The following DCUN1D5 variants were observed in gnomAD, a reference collection of about 807,000 sequenced individuals.
The protein encoded by DCUN1D5 is DCN1-like protein 5.
A neutral mutation model predicts 38.3 loss-of-function variants in DCUN1D5; 10 were observed. The observed-to-expected ratio is 0.26, with a 90% CI of 0.16 to 0.44. The LOEUF (loss-of-function observed/expected upper bound fraction) is 0.44. Ranked by LOEUF, DCUN1D5 falls within the 20% of genes least tolerant of loss-of-function variation. The pLI is 1.00. For synonymous variants in DCUN1D5, 93 were observed against 90.9 expected, an observed-to-expected ratio of 1.02 and a Z score of -0.13; for missense variants, 148 against 275.3, an observed-to-expected ratio of 0.54 and a Z score of 3.27.
Position 103,085,643 on chromosome 11 carries a change from G to A in DCUN1D5, c.179-2317C>T, listed in dbSNP as rs561090272. On this transcript the variant is annotated intron_variant, in intron 2 of 7. Coordinates refer to ENST00000260247, the MANE Select transcript of DCUN1D5 (RefSeq NM_032299.4). ...ATAGTAACAGATCTAAGTCTAAAGCGAGGTCTGTAACTAATGTGCTTTCCC... is the reference window on the plus strand; with the variant it reads ...ATAGTAACAGATCTAAGTCTAAAGCAAGGTCTGTAACTAATGTGCTTTCCC... Among the ~76,000 whole-genome samples the A allele has an allele frequency of 5.9e-5, 9 of 152,232 alleles. No individual in the cohort carries two copies. The South Asian group carries it at 1.0e-3, about 18-fold the overall frequency.
chr11:103,064,377 G>A lies in DCUN1D5; in HGVS notation c.556C>T (p.Gln186Ter). Residue 186 changes from glutamine (Q) to a stop codon, truncating the protein, a stop_gained and splice_region_variant, in exon 7 of 8, where the codon CAA becomes TAA. Coordinates refer to ENST00000260247, the MANE Select transcript of DCUN1D5 (RefSeq NM_032299.4). LOFTEE classifies it high-confidence loss of function. The surrounding 1 kb of genome is among the most constrained non-coding windows in gnomAD (Gnocchi z 4.5). Reference sequence around the variant, plus strand: ...TTGTTCATAACACGATACTTTGATTGCTGCAAAAATGATTTAAATATTTGT... The same window carrying A: ...TTGTTCATAACACGATACTTTGATTACTGCAAAAATGATTTAAATATTTGT... ...LFSVFYQYLEQSKYRVMNKDQ... is the reference protein window; with the variant it reads ...LFSVFYQYLE 1.3e-6 allele frequency: 2 copies of A among 1,578,992 alleles called. No individual in the cohort carries two copies. The highest frequency in any genetic ancestry group is 2.3e-5 in the East Asian group (1 of 44,040).
At chr11:103,084,321 G>A (rs1402715903) in intron 2 of DCUN1D5, among the ~76,000 whole-genome samples, 1 of 152,184 alleles carries the variant, frequency 6.6e-6, no homozygotes, top group African/African-American at 2.4e-5. Context: ...GACCAAGGCT[G>A]CTCAGGTAAA....
rs1473437052 is a variant in DCUN1D5 at position 103,071,537 on chromosome 11, T to G, written c.342-4970A>C. On this transcript the variant is annotated intron_variant, in intron 4 of 7. Coordinates refer to ENST00000260247, the MANE Select transcript of DCUN1D5 (RefSeq NM_032299.4). The surrounding 1 kb of genome is among the most constrained non-coding windows in gnomAD (Gnocchi z 4.1). ...ATCTATATGATCTATAATCTATATA[T>G]AGATATTTTATATCTATTGATTTAT... Among the ~76,000 whole-genome samples the G allele has an allele frequency of 6.7e-6, 1 of 149,706 alleles. No individual in the cohort carries two copies. Among genetic ancestry groups the G allele is most frequent in the South Asian group, 2.1e-4 (1 of 4,814 alleles).
In DCUN1D5 at chr11:103,058,836, G is replaced by A. The variant is rs1438893245; in HGVS notation, c.*3523C>T. ...TCAAAAAGTGGTATTTCCTCAAGAGGGAAGGATTCCTCCTTAGAGGTAAGA... is the reference window on the plus strand; with the variant it reads ...TCAAAAAGTGGTATTTCCTCAAGAGAGAAGGATTCCTCCTTAGAGGTAAGA... On this transcript the variant is annotated 3_prime_UTR_variant, in exon 8 of 8. Transcript: ENST00000260247. Among the ~76,000 whole-genome samples, 1 of 151,898 alleles carries A rather than the reference G, an allele frequency of 6.6e-6. No homozygotes were observed. The highest frequency in any genetic ancestry group is 2.4e-5 in the African/African-American group (1 of 41,310).
rs1348428555 is a variant in DCUN1D5 at position 103,058,895 on chromosome 11, T to G, written c.*3464A>C. On this transcript the variant is annotated 3_prime_UTR_variant, in exon 8 of 8. Coordinates refer to ENST00000260247, the MANE Select transcript of DCUN1D5 (RefSeq NM_032299.4). ...TTAGGAGTAAGACTTTTGGGTTTTT[T>G]TGGGGGGGGTTTTAATTTTATTTTT... Among the ~76,000 whole-genome samples the G allele has an allele frequency of 1.3e-5, 2 of 150,668 alleles. No individual in the cohort carries two copies. Among genetic ancestry groups the G allele is most frequent in the South Asian group, 2.1e-4 (1 of 4,664 alleles).
chr11:103,072,043 GA>G (rs575068188), intron 4 of DCUN1D5, among the ~76,000 whole-genome samples: 125 of 143,394 alleles, frequency 8.7e-4, no homozygotes, highest in Middle Eastern at 3.6e-3. Context: ...ATAAAACTCA[GA>G]AAAAAAAAAA....
Position 103,066,022 on chromosome 11 carries a change from T to C in DCUN1D5, c.555+247A>G, listed in dbSNP as rs1230754583. Among the ~76,000 whole-genome samples the C allele has an allele frequency of 6.6e-6, 1 of 151,856 alleles. No homozygotes were observed. Among genetic ancestry groups the C allele is most frequent in the Non-Finnish European group, 1.5e-5 (1 of 67,940 alleles). The stretch of plus-strand genomic sequence containing the variant: ...TGCAAGACAAATGTCTGTGATACAA[T>C]GTATTTCTTGGAGGTTTCTTTTATT... On this transcript the variant is annotated intron_variant, in intron 6 of 7. Coordinates refer to ENST00000260247, the MANE Select transcript of DCUN1D5 (RefSeq NM_032299.4). This position sits in a 1 kb window ranked among gnomAD's most constrained non-coding sequence, Gnocchi z 4.7.
chr11:103,090,020 T>C (rs1451838572), intron 1 of DCUN1D5, among the ~76,000 whole-genome samples: 3 of 152,148 alleles, frequency 2.0e-5, no homozygotes, highest in Non-Finnish European at 4.4e-5. Context: ...TAGAATTTAA[T>C]GGCCTTCAGA....
chr11:103,074,499 C>T (rs373446797), intron 4 of DCUN1D5, among the ~76,000 whole-genome samples: 2 of 152,122 alleles, frequency 1.3e-5, no homozygotes, highest in Non-Finnish European at 2.9e-5. Context: ...TCCACCTCCC[C>T]GGTTCAAGCG....
chr11:103,066,343 T>G lies in DCUN1D5; in HGVS notation c.481A>C (p.Thr161Pro). Residue 161 changes from threonine to proline, a missense_variant, in exon 6 of 8, where the codon ACT becomes CCT. By Grantham distance (38) the Thr-to-Pro change is conservative. Transcript: ENST00000260247. This position sits in a 1 kb window ranked among gnomAD's most constrained non-coding sequence, Gnocchi z 4.7. ...DKDQRSLDID[T>P]AKSMLALLLG... ...AGAAGAGCTAACATAGATTTAGCAG[T>G]ATCAATATCAAGGCTTCTCTGATCT... 6.2e-7 allele frequency: 1 copy of G among 1,611,734 alleles called. No homozygotes were observed. The highest frequency in any genetic ancestry group is 8.5e-7 in the Non-Finnish European group (1 of 1,179,222).
At position 103,058,000 on chromosome 11, in the gene DCUN1D5, A is replaced by C. The variant is rs1299290068; in HGVS notation, c.*4359T>G. On this transcript the variant is annotated 3_prime_UTR_variant, in exon 8 of 8. Coordinates refer to ENST00000260247, the MANE Select transcript of DCUN1D5 (RefSeq NM_032299.4). This position sits in a 1 kb window ranked among gnomAD's most constrained non-coding sequence, Gnocchi z 4.8. ...GGGGAAAGCTAAGACATTTTTAATA[A>C]AACGTTTGCTATTAACTCCCATTTA... Among the ~76,000 whole-genome samples the C allele has an allele frequency of 6.6e-6, 1 of 152,210 alleles. No individual in the cohort carries two copies. Among genetic ancestry groups the C allele is most frequent in the African/African-American group, 2.4e-5 (1 of 41,452 alleles).
chr11:103,062,485 A>C lies in DCUN1D5; in HGVS notation c.659-71T>G. 1.5e-6 allele frequency: 2 copies of C among 1,336,282 alleles called. No homozygotes were observed. Among genetic ancestry groups the C allele is most frequent in the Non-Finnish European group, 2.1e-6 (2 of 939,254 alleles). The allele number at this position is 1,336,282 out of a possible 1,614,324, so 82.8% of individuals were successfully genotyped here. Reference sequence around the variant, plus strand: ...TCTCCAATTATAAAACAAACTCCCCACGAGCTCTGCAATGACAGAGGAATG... The same window carrying C: ...TCTCCAATTATAAAACAAACTCCCCCCGAGCTCTGCAATGACAGAGGAATG... On this transcript the variant is annotated intron_variant, in intron 7 of 7. Transcript: ENST00000260247. This position sits in a 1 kb window ranked among gnomAD's most constrained non-coding sequence, Gnocchi z 4.6.
rs1053262914 is a variant in DCUN1D5 at position 103,091,317 on chromosome 11, T to G, written c.86+470A>C. 1.3e-5 allele frequency among the ~76,000 whole-genome samples: 2 copies of G among 152,120 alleles called. No individual in the cohort carries two copies. The highest frequency in any genetic ancestry group is 2.9e-5 in the Non-Finnish European group (2 of 68,014). The stretch of plus-strand genomic sequence containing the variant: ...GCCAATTATAGCATACAAGTTTTCC[T>G]TTCTACCATTCCCAAGACAGTTGTC... On this transcript the variant is annotated intron_variant, in intron 1 of 7. Coordinates refer to ENST00000260247, the MANE Select transcript of DCUN1D5 (RefSeq NM_032299.4). The surrounding 1 kb of genome is among the most constrained non-coding windows in gnomAD (Gnocchi z 4.3).
Position 103,052,507 on chromosome 11 carries a change from T to C in DCUN1D5, c.*9852A>G, listed in dbSNP as rs1281103923. 6.6e-6 allele frequency: 1 copy of C among 152,154 alleles called. No individual in the cohort carries two copies. Among genetic ancestry groups the C allele is most frequent in the Admixed American group, 6.5e-5 (1 of 15,268 alleles). 9.4% of individuals were successfully genotyped at this position (152,154 alleles called of 1,614,324 possible). A position where few individuals can be genotyped will look rare whatever the true frequency, so the allele number is the denominator to read the frequency against. Reference sequence around the variant, plus strand: ...TGTTTCCTTTTTAAGGATCATAATCTTCAAAGGTAGAAACTAACAACTACA... The same window carrying C: ...TGTTTCCTTTTTAAGGATCATAATCCTCAAAGGTAGAAACTAACAACTACA... On this transcript the variant is annotated 3_prime_UTR_variant, in exon 8 of 8. Transcript: ENST00000260247.
At position 103,077,124 on chromosome 11, in the gene DCUN1D5, C is replaced by T. The variant is rs11225540; in HGVS notation, c.341+5624G>A. ...CTGAAGCAGGGGAATGGCGTGAACC[C>T]GGGAGGCGGAGCTTGCAGTGAGCCG... On this transcript the variant is annotated intron_variant, in intron 4 of 7. Transcript: ENST00000260247. This position sits in a 1 kb window ranked among gnomAD's most constrained non-coding sequence, Gnocchi z 4.3. Among the ~76,000 whole-genome samples, 6,791 of 152,028 alleles carry T rather than the reference C, an allele frequency of 0.045. 213 individuals carry two copies. Among genetic ancestry groups the T allele is most frequent in the Non-Finnish European group, 0.063 (4,309 of 67,968 alleles).
chr11:103,063,545 A>G lies in DCUN1D5; in HGVS notation c.658+730T>C, dbSNP rs1446483084. ...ATTTTATTTTTTCAGTGTCACAGAAAAAAGTGTATAATTTCAGTTTAAGTT... is the reference window on the plus strand; with the variant it reads ...ATTTTATTTTTTCAGTGTCACAGAAGAAAGTGTATAATTTCAGTTTAAGTT... On this transcript the variant is annotated intron_variant, in intron 7 of 7. Coordinates refer to ENST00000260247, the MANE Select transcript of DCUN1D5 (RefSeq NM_032299.4). This position sits in a 1 kb window ranked among gnomAD's most constrained non-coding sequence, Gnocchi z 4.6. Among the ~76,000 whole-genome samples, 1 of 152,152 alleles carries G rather than the reference A, an allele frequency of 6.6e-6. No homozygotes were observed. The highest frequency in any genetic ancestry group is 1.9e-4 in the East Asian group (1 of 5,196).
rs1338156704 is a variant in DCUN1D5, at chr11:103,060,786, A to C, written c.*1573T>G. Among the ~76,000 whole-genome samples, 2 of 152,322 alleles carry C rather than the reference A, an allele frequency of 1.3e-5. No individual in the cohort carries two copies. Among genetic ancestry groups the C allele is most frequent in the African/African-American group, 4.8e-5 (2 of 41,578 alleles). On this transcript the variant is annotated 3_prime_UTR_variant, in exon 8 of 8. Coordinates refer to ENST00000260247, the MANE Select transcript of DCUN1D5 (RefSeq NM_032299.4). ...TCTTCAGTTCAGATGTGCCTTGAAG[A>C]GTCAACTAAATTATAAATTTAAAGG...
chr11:103,053,596 A>G lies in DCUN1D5; in HGVS notation c.*8763T>C, dbSNP rs1861799832. ...ATGAATATATCATACTATCACATGT[A>G]CCCCCCAAATAAATACATTATGTAT... On this transcript the variant is annotated 3_prime_UTR_variant, in exon 8 of 8. Coordinates refer to ENST00000260247, the MANE Select transcript of DCUN1D5 (RefSeq NM_032299.4). This position sits in a 1 kb window ranked among gnomAD's most constrained non-coding sequence, Gnocchi z 4.8. The G allele has an allele frequency of 1.3e-5, 2 of 151,774 alleles. No homozygotes were observed. Among genetic ancestry groups the G allele is most frequent in the Admixed American group, 6.6e-5 (1 of 15,216 alleles). The allele number at this position is 151,774 out of a possible 1,614,324, so 9.4% of individuals were successfully genotyped here. A position where few individuals can be genotyped will look rare whatever the true frequency, so the allele number is the denominator to read the frequency against.
chr11:103,056,665 C>T lies in DCUN1D5; in HGVS notation c.*5694G>A, dbSNP rs112867691. On this transcript the variant is annotated 3_prime_UTR_variant, in exon 8 of 8. Transcript: ENST00000260247. The surrounding 1 kb of genome is among the most constrained non-coding windows in gnomAD (Gnocchi z 4.9). ...TTCGTGCCCTGCAATATATTCAGGC[C>T]TAGAATACTTCTTGGCATATAGTAG... Among the ~76,000 whole-genome samples, 1,056 of 152,210 alleles carry T rather than the reference C, an allele frequency of 6.9e-3. 9 individuals carry two copies. The highest frequency in any genetic ancestry group is 0.024 in the African/African-American group (997 of 41,530).
Sources: gnomAD v4.1 joint callset for allele counts (sites outside exome capture counted in the v4.1 genomes callset) on GRCh38, gnomAD v4.1.1 for gene constraint, Gnocchi (gnomAD v3.1) non-coding constraint, MANE v1.5 for transcripts, NCBI Gene and HGNC (gene_info 2026-07-23, HGNC 2026-07-21) for gene names.